The following CELSR1 variants were observed in gnomAD, a reference collection of about 807,000 sequenced individuals.
CELSR1 encodes cadherin EGF LAG seven-pass G-type receptor 1.
CELSR1 carries 110 observed loss-of-function variants against 249.1 expected under a neutral mutation model. That is an observed-to-expected ratio of 0.44 (90% CI 0.38 to 0.52). The LOEUF is 0.52. Ranked by LOEUF, CELSR1 falls within the 20% of genes least tolerant of loss-of-function variation. The pLI is 0.00. For missense variants in CELSR1, 4,109 were observed against 4,296.4 expected (o/e 0.96, Z 1.22); for synonymous variants, 2,113 against 1,900.0 (o/e 1.11, Z -2.92).
intron 20 of CELSR1, among the ~76,000 whole-genome samples, chr22:46,384,124 C>G (rs182812200): frequency 1.3e-5 from 2 of 151,968 alleles, no homozygotes; most frequent in African/African-American, 4.8e-5. Context: ...TTAGTAGAGA[C>G]GGGGTTTTAC....
chr22:46,491,207 GAA>G (rs1442094502), intron 1 of CELSR1, among the ~76,000 whole-genome samples: 3 of 151,150 alleles, frequency 2.0e-5, no homozygotes, highest in Non-Finnish European at 4.4e-5. Context: ...CTCCTAGGGG[GAA>G]AAGCAGCCCC....
In CELSR1 at chr22:46,398,574, C is replaced by T. The variant is rs368381807; in HGVS notation, c.5476G>A (p.Ala1826Thr). 3.0e-5 allele frequency: 48 copies of T among 1,613,718 alleles called. No individual in the cohort carries two copies. Among genetic ancestry groups the T allele is most frequent in the East Asian group, 1.3e-4 (6 of 44,868 alleles). The change falls in exon 11 of 35, where the codon GCC becomes ACC. Residue 1826 changes from alanine to threonine, a missense_variant. Physicochemically the swap from Ala to Thr is moderately conservative, Grantham distance 58. Transcript: ENST00000674500. This position sits in a 1 kb window ranked among gnomAD's most constrained non-coding sequence, Gnocchi z 7.2. Reference sequence around the variant, plus strand: ...CGCACGGAGACCTTGTCTTCAGAGGCGCCTCCGACCACCACGCTCCTTACC... The same window carrying T: ...CGCACGGAGACCTTGTCTTCAGAGGTGCCTCCGACCACCACGCTCCTTACC... ...LTVRSVVVGGASEDKVSVRRG... is the reference protein window; with the variant it reads ...LTVRSVVVGGTSEDKVSVRRG...
In CELSR1 at chr22:46,488,785, G is replaced by A. The variant is rs1419726494; in HGVS notation, c.3545-24440C>T. On this transcript the variant is annotated intron_variant, in intron 1 of 34. Coordinates refer to ENST00000674500, the MANE Select transcript of CELSR1 (RefSeq NM_001378328.1). This position sits in a 1 kb window ranked among gnomAD's most constrained non-coding sequence, Gnocchi z 4.7. ...TGCCATTCTCCTGCCTCAGCCTCCC[G>A]AGTAGCTGGGACTACAGGCGCCCGC... Among the ~76,000 whole-genome samples the A allele has an allele frequency of 1.3e-5, 2 of 151,908 alleles. No homozygotes were observed. Among genetic ancestry groups the A allele is most frequent in the African/African-American group, 2.4e-5 (1 of 41,356 alleles).
rs762990585 is a variant in CELSR1, at chr22:46,369,700, C to T, written c.7864G>A (p.Val2622Ile). Residue 2622 changes from valine to isoleucine, a missense_variant, in exon 26 of 35, where the codon GTT (valine) becomes ATT (isoleucine). Val to Ile is a conservative substitution (Grantham distance 29). Coordinates refer to ENST00000674500, the MANE Select transcript of CELSR1 (RefSeq NM_001378328.1). ...IWSFAGPIGA[V>I]IIINTVTSVL... Reference sequence around the variant, plus strand: ...GAAGGCCCCACACTCACGATTATAACAGCTCCGATGGGCCCCGCAAAGCTC... The same window carrying T: ...GAAGGCCCCACACTCACGATTATAATAGCTCCGATGGGCCCCGCAAAGCTC... The T allele has an allele frequency of 2.5e-6, 4 of 1,613,448 alleles. No individual in the cohort carries two copies. Among genetic ancestry groups the T allele is most frequent in the Admixed American group, 3.3e-5 (2 of 60,010 alleles).
rs759467955 is a variant in CELSR1 at position 46,536,756 on chromosome 22, A to G, written c.415T>C (p.Cys139Arg). 6,105 of 1,163,290 alleles carry G rather than the reference A, an allele frequency of 5.2e-3. 27 individuals carry two copies. Among genetic ancestry groups the G allele is most frequent in the Middle Eastern group, 0.021 (58 of 2,776 alleles). The allele number at this position is 1,163,290 out of a possible 1,614,324, so 72.1% of individuals were successfully genotyped here. A position where few individuals can be genotyped will look rare whatever the true frequency, so the allele number is the denominator to read the frequency against. Residue 139 changes from cysteine (C) to arginine (R), a missense_variant, in exon 1 of 35, where the codon TGC (cysteine) becomes CGC (arginine). Around this residue, in one of 7 missense-constraint regions of CELSR1, gnomAD observed 673 missense variants for 636.8 expected, o/e 1.06. Coordinates refer to ENST00000674500, the MANE Select transcript of CELSR1 (RefSeq NM_001378328.1). ...AGCGCCGAATGCTGCGCGGCCGCGC[A>G]GCCGCCGGGGACGGGGAAGCAGAGC... The part of the protein sequence containing the change: ...GALCFPVPGG[C>R]AAAQHSALAA...
chr22:46,536,448 C>T lies in CELSR1; in HGVS notation c.723G>A (p.Gly241=), dbSNP rs1194142924. 3.1e-6 allele frequency: 5 copies of T among 1,611,188 alleles called. No homozygotes were observed. The highest frequency in any genetic ancestry group is 4.2e-6 in the Non-Finnish European group (5 of 1,179,302). Residue 241 remains glycine, a synonymous_variant, in exon 1 of 35, where the codon GGG becomes GGA. Transcript: ENST00000674500. The part of the protein sequence containing the change: ...RRARRGTSGR[G]SLKFPMPNYQ... ...AGTTGGGCATCGGAAACTTCAGGCT[C>T]CCTCTGCCGCTCGTGCCCCGCCGGG...
chr22:46,426,415 T>C (rs2079538667), intron 5 of CELSR1, among the ~76,000 whole-genome samples: 1 of 152,148 alleles, frequency 6.6e-6, no homozygotes, highest in Admixed American at 6.5e-5. Context: ...TGCTGGTAGA[T>C]TGAACGTCTG....
chr22:46,422,702 G>A (rs565493899), intron 5 of CELSR1, among the ~76,000 whole-genome samples: 2 of 151,218 alleles, frequency 1.3e-5, no homozygotes, highest in East Asian at 3.9e-4. Context: ...AGGAGGTGGA[G>A]CTTGCAGTGA....
In CELSR1 at chr22:46,433,962, C is replaced by A. The variant is rs1039101551; in HGVS notation, c.4523-481G>T. On this transcript the variant is annotated intron_variant, in intron 4 of 34. Coordinates refer to ENST00000674500, the MANE Select transcript of CELSR1 (RefSeq NM_001378328.1). This position sits in a 1 kb window ranked among gnomAD's most constrained non-coding sequence, Gnocchi z 5.7. ...CCTCCCAAACTGCTGGGATAACGGGCGTGAGCCACCGCGCCTGGCCTTGTT... is the reference window on the plus strand; with the variant it reads ...CCTCCCAAACTGCTGGGATAACGGGAGTGAGCCACCGCGCCTGGCCTTGTT... Among the ~76,000 whole-genome samples the A allele has an allele frequency of 6.6e-6, 1 of 152,168 alleles. No individual in the cohort carries two copies. The highest frequency in any genetic ancestry group is 1.5e-5 in the Non-Finnish European group (1 of 68,034).
Position 46,391,726 on chromosome 22 carries a change from T to A in CELSR1, c.6055A>T (p.Thr2019Ser), listed in dbSNP as rs763993173. The change falls in exon 15 of 35, where the codon ACC becomes TCC. Residue 2019 changes from threonine to serine, a missense_variant. Physicochemically the swap from Thr to Ser is moderately conservative, Grantham distance 58. This residue lies in a region of CELSR1 where 1,805 missense variants were observed against 1,831.6 expected (regional missense o/e 0.99). Coordinates refer to ENST00000674500, the MANE Select transcript of CELSR1 (RefSeq NM_001378328.1). The surrounding 1 kb of genome is among the most constrained non-coding windows in gnomAD (Gnocchi z 4.3). ...CCGGGCTTGCAGGCACACTGCCCGGTGGCCATGTCGCAAGTGCGGCTGTGG... is the reference window on the plus strand; with the variant it reads ...CCGGGCTTGCAGGCACACTGCCCGGAGGCCATGTCGCAAGTGCGGCTGTGG... ...GSHSRTCDMA[T>S]GQCACKPGVI... 1.2e-6 allele frequency: 2 copies of A among 1,612,042 alleles called. No homozygotes were observed. Among genetic ancestry groups the A allele is most frequent in the Admixed American group, 1.7e-5 (1 of 59,922 alleles).
chr22:46,446,953 A>G lies in CELSR1; in HGVS notation c.4184-7542T>C, dbSNP rs1216496116. On this transcript the variant is annotated intron_variant, in intron 2 of 34. Coordinates refer to ENST00000674500, the MANE Select transcript of CELSR1 (RefSeq NM_001378328.1). The surrounding 1 kb of genome is among the most constrained non-coding windows in gnomAD (Gnocchi z 5.5). Reference sequence around the variant, plus strand: ...ACAGAGCCAATTCAGGATTCCCCTGAGGGTTGGTGGTTAAGCACTTGCAGC... The same window carrying G: ...ACAGAGCCAATTCAGGATTCCCCTGGGGGTTGGTGGTTAAGCACTTGCAGC... Among the ~76,000 whole-genome samples, 1 of 152,112 alleles carries G rather than the reference A, an allele frequency of 6.6e-6. No individual in the cohort carries two copies. Among genetic ancestry groups the G allele is most frequent in the Non-Finnish European group, 1.5e-5 (1 of 68,032 alleles).
intron 2 of CELSR1, among the ~76,000 whole-genome samples, chr22:46,455,225 G>T (rs1292860916): frequency 1.3e-5 from 2 of 152,118 alleles, no homozygotes; most frequent in Admixed American, 1.3e-4. Context: ...TAAGACAAGA[G>T]ACTTTTTTCT....
chr22:46,369,723 C>T lies in CELSR1; in HGVS notation c.7841G>A (p.Ser2614Asn). The change falls in exon 26 of 35, where the codon AGC becomes AAC. Residue 2614 changes from serine (S) to asparagine (N), a missense_variant. By Grantham distance (46) the Ser-to-Asn change is conservative. Transcript: ENST00000674500. Reference sequence around the variant, plus strand: ...AACAGCTCCGATGGGCCCCGCAAAGCTCCAAATCAGGGTGTCTTGAAGCGA... The same window carrying T: ...AACAGCTCCGATGGGCCCCGCAAAGTTCCAAATCAGGGTGTCTTGAAGCGA... The part of the protein sequence containing the change: ...WLSLQDTLIW[S>N]FAGPIGAVII... 2.5e-6 allele frequency: 4 copies of T among 1,613,572 alleles called. No homozygotes were observed. The highest frequency in any genetic ancestry group is 3.4e-6 in the Non-Finnish European group (4 of 1,180,010).
At chr22:46,449,430 G>A (rs976025082) in intron 2 of CELSR1, among the ~76,000 whole-genome samples, 1 of 135,092 alleles carries the variant, frequency 7.4e-6, no homozygotes, top group African/African-American at 3.0e-5. Flanking sequence ...CCATCACACA[G>A]CCATCCATCC....
At chr22:46,431,173 G>A (rs1412647274) in intron 5 of CELSR1, among the ~76,000 whole-genome samples, 1 of 152,232 alleles carries the variant, frequency 6.6e-6, no homozygotes, top group African/African-American at 2.4e-5. Context: ...TCTCCTCCGG[G>A]ACAGTGCAGG....
chr22:46,417,196 C>A lies in CELSR1; in HGVS notation c.4612-5437G>T, dbSNP rs559343798. On this transcript the variant is annotated intron_variant, in intron 5 of 34. Transcript: ENST00000674500. The surrounding 1 kb of genome is among the most constrained non-coding windows in gnomAD (Gnocchi z 4.1). ...AATGCCCCAGGAAATGTGGGCAAGACCCCGTGCCAGTTCTGGCATGGAGAC... is the reference window on the plus strand; with the variant it reads ...AATGCCCCAGGAAATGTGGGCAAGAACCCGTGCCAGTTCTGGCATGGAGAC... 1.3e-5 allele frequency among the ~76,000 whole-genome samples: 2 copies of A among 152,204 alleles called. No individual in the cohort carries two copies. Among genetic ancestry groups the A allele is most frequent in the Non-Finnish European group, 2.9e-5 (2 of 68,046 alleles).
chr22:46,477,027 G>A (rs2080215803), intron 1 of CELSR1, among the ~76,000 whole-genome samples: 1 of 152,176 alleles, frequency 6.6e-6, no homozygotes, highest in Admixed American at 6.5e-5. Flanking sequence ...AGGAGAAAGC[G>A]ATTCTAAAGG....
intron 2 of CELSR1, among the ~76,000 whole-genome samples, chr22:46,458,337 T>C (rs71313049): frequency 0.08 from 12,242 of 152,138 alleles, 518 homozygotes; most frequent in East Asian, 0.13. Context: ...ATGTGACAAA[T>C]GCCTGCTTCA....
rs1343963063 is a variant in CELSR1, at chr22:46,380,937, G to A, written c.7107C>T (p.Ile2369=). The change falls in exon 22 of 35, where the codon ATC becomes ATT. Residue 2369 remains isoleucine, a synonymous_variant. Transcript: ENST00000674500. This position sits in a 1 kb window ranked among gnomAD's most constrained non-coding sequence, Gnocchi z 5.1. Reference sequence around the variant, plus strand: ...GCGTGCTCACCATCGGGGTATTAATGATGGGCCGGTGAGGCAACCTGAGGT... The same window carrying A: ...GCGTGCTCACCATCGGGGTATTAATAATGGGCCGGTGAGGCAACCTGAGGT... ...RRSLRLPHRP[I]INTPMVSTLV... The A allele has an allele frequency of 2.5e-6, 4 of 1,613,156 alleles. No individual in the cohort carries two copies. Among genetic ancestry groups the A allele is most frequent in the Non-Finnish European group, 3.4e-6 (4 of 1,179,668 alleles).
Sources: allele counts gnomAD v4.1 joint callset (sites outside exome capture counted in the v4.1 genomes callset), GRCh38; gene constraint gnomAD v4.1.1; regional missense constraint gnomAD v4.1.1; non-coding constraint Gnocchi (gnomAD v3.1); transcripts MANE v1.5; gene names NCBI Gene and HGNC (gene_info 2026-07-23, HGNC 2026-07-21).